The following AGBL5 variants were observed in gnomAD, a reference collection of about 807,000 sequenced individuals.
AGBL5 encodes the protein cytosolic carboxypeptidase-like protein 5.
A neutral mutation model predicts 88.0 loss-of-function variants in AGBL5; 51 were observed. The ratio of observed to expected loss-of-function variants is 0.58; its 90% CI spans 0.46 to 0.73. The LOEUF (loss-of-function observed/expected upper bound fraction) is 0.73. AGBL5 is among the 30% of genes least tolerant of loss of function. The pLI, the probability that AGBL5 is intolerant of heterozygous loss-of-function variation, is 0.00. For missense variants in AGBL5, 1,031 were observed against 1,162.2 expected (o/e 0.89, Z 1.64); for synonymous variants, 446 against 438.8 (o/e 1.02, Z -0.21).
At chr2:27,056,405 T>C in intron 7 of AGBL5, 1 of 607,344 alleles carries the variant, frequency 1.6e-6, no homozygotes, top group Non-Finnish European at 2.7e-6. Flanking sequence ...AAATTTTGCA[T>C]TGTTGGAGGG....
upstream of AGBL5, among the ~76,000 whole-genome samples, chr2:27,050,711 G>A (rs1668037129): frequency 6.6e-6 from 1 of 152,238 alleles, no homozygotes; most frequent in South Asian, 2.1e-4. Flanking sequence ...GCTGGAGAAA[G>A]CGGGGGTCAT....
In AGBL5 at chr2:27,055,249, T is replaced by C; in HGVS notation, c.904T>C (p.Tyr302His). 6.2e-7 allele frequency: 1 copy of C among 1,613,928 alleles called. No homozygotes were observed. ...LNPDGVVRGH[Y>H]RTDSRGVNLN... ...CCCCGATGGTGTGGTCCGGGGACAC[T>C]ACCGGTAAGTGGCTTCCCCAGCCTG... Residue 302 changes from tyrosine (Y) to histidine (H), a missense_variant, in exon 6 of 15, where the codon TAC becomes CAC. Transcript: ENST00000360131.
intron 11 of AGBL5, chr2:27,061,933 C>G (rs1024580462): frequency 1.3e-5 from 2 of 152,056 alleles, no homozygotes; most frequent in African/African-American, 4.8e-5. Flanking sequence ...CTGCCTCAGC[C>G]TCCCAAGTAG....
At chr2:27,057,144 G>T (rs931715968) in intron 8 of AGBL5, 159 bp from the exon 9 acceptor site, 2 of 766,636 alleles carry the variant, frequency 2.6e-6, no homozygotes, top group African/African-American at 3.5e-5. Flanking sequence ...ATATGGTACA[G>T]TACCAAGGTC....
rs754506425 is a variant in AGBL5 at position 27,058,348 on chromosome 2, G to T, written c.1672-52G>T. 8 of 1,603,884 alleles carry T rather than the reference G, an allele frequency of 5.0e-6. No homozygotes were observed. In the Admixed American group the frequency reaches 1.3e-4, roughly 27 times the overall value. On this transcript the variant is annotated intron_variant, in intron 9 of 14. Coordinates refer to ENST00000360131, the MANE Select transcript of AGBL5 (RefSeq NM_021831.6). ...TGTGCTGTGTACCCACCCCAAGGTAGCAGCCTGGATGGGAGGACCAGCATG... is the reference window on the plus strand; with the variant it reads ...TGTGCTGTGTACCCACCCCAAGGTATCAGCCTGGATGGGAGGACCAGCATG...
chr2:27,059,249 GCACAAGTGCCGGT>G lies in AGBL5; in HGVS notation c.1935_1947del (p.Thr646ValfsTer12). 1 of 1,614,206 alleles carries G rather than the reference GCACAAGTGCCGGT, an allele frequency of 6.2e-7. No homozygotes were observed. Reference sequence around the variant, plus strand: ...AGTCGGGCACGAAGTTTTAGCACCGGCACAAGTGCCGGTGGTAGCAGCAGCAGCCAACAAAATT... The same window carrying G: ...AGTCGGGCACGAAGTTTTAGCACCGGGGTAGCAGCAGCAGCCAACAAAATT... On this transcript the variant is annotated frameshift_variant, in exon 11 of 15. Transcript: ENST00000360131. LOFTEE classifies it high-confidence loss of function.
chr2:27,059,640 C>G (rs1668613843), intron 11 of AGBL5: 1 of 923,152 alleles, frequency 1.1e-6, no homozygotes, highest in Admixed American at 3.0e-5. Flanking sequence ...TCAGTGCATG[C>G]TAGGAGCCAG....
At chr2:27,058,366 C>A (rs758777153) in intron 9 of AGBL5, 34 bp from the exon 10 acceptor site, 4 of 1,611,616 alleles carry the variant, frequency 2.5e-6, no homozygotes, top group South Asian at 1.1e-5. Flanking sequence ...GATGGGAGGA[C>A]CAGCATGCTG....
chr2:27,067,648 T>C lies in AGBL5; in HGVS notation c.2242+2T>C, dbSNP rs746563151. On this transcript the variant is annotated splice_donor_variant, in intron 12 of 14. Coordinates refer to ENST00000360131, the MANE Select transcript of AGBL5 (RefSeq NM_021831.6). LOFTEE classifies it high-confidence loss of function. Reference sequence around the variant, plus strand: ...TGCCTGATTCATTCAACATACCAGGTCTGTACCCACTGCCACTGAAATCTG... The same window carrying C: ...TGCCTGATTCATTCAACATACCAGGCCTGTACCCACTGCCACTGAAATCTG... 1 of 1,612,228 alleles carries C rather than the reference T, an allele frequency of 6.2e-7. No individual in the cohort carries two copies. The highest frequency in any genetic ancestry group is 1.1e-5 in the South Asian group (1 of 90,984).
intron 11 of AGBL5, among the ~76,000 whole-genome samples, chr2:27,060,486 C>T (rs559538259): frequency 2.0e-5 from 3 of 152,372 alleles, no homozygotes; most frequent in African/African-American, 7.2e-5. Context: ...CTGTACTGGC[C>T]TCTGCACTAC....
chr2:27,060,547 G>T (rs1668663986), intron 11 of AGBL5, among the ~76,000 whole-genome samples: 1 of 152,242 alleles, frequency 6.6e-6, no homozygotes, highest in Admixed American at 6.5e-5. Flanking sequence ...TAAGAGCTTT[G>T]CTGGTCTTCC....
chr2:27,057,835 G>A (rs1668515037), intron 9 of AGBL5, among the ~76,000 whole-genome samples: 1 of 152,202 alleles, frequency 6.6e-6, no homozygotes, highest in African/African-American at 2.4e-5. Context: ...CAGCACTTTG[G>A]GAGGCCAAGG....
chr2:27,070,556 T>A lies in AGBL5; in HGVS notation c.*293T>A, dbSNP rs930305651. On this transcript the variant is annotated 3_prime_UTR_variant, in exon 15 of 15. Coordinates refer to ENST00000360131, the MANE Select transcript of AGBL5 (RefSeq NM_021831.6). ...AGCCCCTATACTGGGCCCTATTCAG[T>A]GGCAGCTTCTTGTTCCATAGGATTA... The A allele has an allele frequency of 1.2e-5, 4 of 332,706 alleles. No individual in the cohort carries two copies. Among genetic ancestry groups the A allele is most frequent in the African/African-American group, 6.2e-5 (3 of 48,268 alleles). The allele number at this position is 332,706 out of a possible 1,614,324, so 20.6% of individuals were successfully genotyped here.
rs191555579 is a variant in AGBL5, at chr2:27,056,110, G to C, written c.1337G>C (p.Gly446Ala). 1 of 1,613,538 alleles carries C rather than the reference G, an allele frequency of 6.2e-7. No individual in the cohort carries two copies. Among genetic ancestry groups the C allele is most frequent in the African/African-American group, 1.3e-5 (1 of 75,040 alleles). ...HASKRGCFMYGNSFSDESTQV... is the reference protein window; with the variant it reads ...HASKRGCFMYANSFSDESTQV... ...TCCAAAAGGGGCTGCTTCATGTACG[G>C]AAACAGCTTTAGTGATGAGAGCACC... Residue 446 changes from glycine (G) to alanine (A), a missense_variant, in exon 7 of 15, where the codon GGA becomes GCA. Physicochemically the swap from Gly to Ala is moderately conservative, Grantham distance 60. This residue lies in a region of AGBL5 where 540 missense variants were observed against 678.2 expected (regional missense o/e 0.80). Transcript: ENST00000360131.
upstream of AGBL5, chr2:27,051,115 G>A (rs1037671640): frequency 1.3e-5 from 2 of 152,238 alleles, no homozygotes; most frequent in African/African-American, 4.8e-5. Context: ...CCACTGTATT[G>A]TACTCTGCTA....
Position 27,068,626 on chromosome 2 carries a change from C to G in AGBL5, c.2243-6C>G. Reference sequence around the variant, plus strand: ...CCTACCCTGATCAGTTTCCTCTGTTCCCTAGGGAGCAGTTGCTCACTCTTG... The same window carrying G: ...CCTACCCTGATCAGTTTCCTCTGTTGCCTAGGGAGCAGTTGCTCACTCTTG... On this transcript the variant is annotated splice_polypyrimidine_tract_variant and splice_region_variant and intron_variant, in intron 12 of 14. Transcript: ENST00000360131. 6.2e-7 allele frequency: 1 copy of G among 1,613,744 alleles called. No homozygotes were observed. Among genetic ancestry groups the G allele is most frequent in the Non-Finnish European group, 8.5e-7 (1 of 1,179,836 alleles).
At chr2:27,055,527 A>G in intron 6 of AGBL5, 155 bp from the exon 7 acceptor site, 1 of 843,672 alleles carries the variant, frequency 1.2e-6, no homozygotes, top group Non-Finnish European at 1.8e-6. Flanking sequence ...ACAGCAGATC[A>G]AAGAGAGGCC....
intron 1 of AGBL5, chr2:27,052,643 T>C (rs1668217476): frequency 4.8e-6 from 1 of 207,150 alleles, no homozygotes; most frequent in Non-Finnish European, 9.5e-6. Context: ...TTTTTCAACA[T>C]AGTTAAGCCA....
rs1669115727 is a variant in AGBL5 at position 27,068,690 on chromosome 2, G to A, written c.2301G>A (p.Gly767=). Residue 767 remains glycine, a synonymous_variant, in exon 13 of 15, where the codon GGG becomes GGA. Transcript: ENST00000360131. ...GDKPEAVMVI[G]KGLLGTGARM... ...AACCAGAGGCTGTCATGGTAATCGG[G>A]AAAGGTCTGCTAGGGACTGGAGCTC... The A allele has an allele frequency of 1.2e-6, 2 of 1,614,030 alleles. No individual in the cohort carries two copies. The highest frequency in any genetic ancestry group is 2.7e-5 in the African/African-American group (2 of 74,902).
Sources: allele counts gnomAD v4.1 joint callset (sites outside exome capture counted in the v4.1 genomes callset), GRCh38; gene constraint gnomAD v4.1.1; regional missense constraint gnomAD v4.1.1; transcripts MANE v1.5; gene names NCBI Gene and HGNC (gene_info 2026-07-23, HGNC 2026-07-21).